Variants in ZNF385D observed in about 807,000 individuals in gnomAD.
ZNF385D encodes zinc finger protein 659.
ZNF385D carries 15 observed loss-of-function variants against 35.8 expected under a neutral mutation model. The ratio of observed to expected loss-of-function variants is 0.42; its 90% CI spans 0.28 to 0.64. The LOEUF is 0.64. Among genes scored for constraint, ZNF385D ranks in the 30% least tolerant of loss-of-function variants. The pLI is 0.23. For synonymous variants in ZNF385D, 212 were observed against 186.8 expected (o/e 1.13, Z -1.10); for missense variants, 474 against 494.6 (o/e 0.96, Z 0.39).
chr3:21,812,624 G>A (rs1046963644), intron 3 of ZNF385D, among the ~76,000 whole-genome samples: 5 of 152,228 alleles, frequency 3.3e-5, no homozygotes, highest in East Asian at 1.9e-4. Context: ...AGATCGAACT[G>A]CAAGGTGGCA....
intron 1 of ZNF385D, among the ~76,000 whole-genome samples, chr3:21,721,684 T>C (rs563509361): frequency 1.3e-5 from 2 of 152,156 alleles, no homozygotes; most frequent in African/African-American, 4.8e-5. Flanking sequence ...ATGCTATACT[T>C]TATGGAAAAG....
At chr3:22,027,436 T>C (rs1191430706) in intron 3 of ZNF385D, among the ~76,000 whole-genome samples, 1 of 152,212 alleles carries the variant, frequency 6.6e-6, no homozygotes, top group Non-Finnish European at 1.5e-5. Flanking sequence ...ATAGGGATGC[T>C]GTTTCAAGCC....
intron 3 of ZNF385D, among the ~76,000 whole-genome samples, chr3:21,903,124 C>T (rs1418151716): frequency 5.3e-5 from 8 of 152,122 alleles, no homozygotes; most frequent in African/African-American, 1.4e-4. Flanking sequence ...CCATGACTTG[C>T]GGTCTTGAGA....
At chr3:21,669,787 C>T (rs188485320) in intron 1 of ZNF385D, among the ~76,000 whole-genome samples, 1 of 152,156 alleles carries the variant, frequency 6.6e-6, no homozygotes, top group Non-Finnish European at 1.5e-5. Flanking sequence ...AGCAGTCAAT[C>T]AAGATAATTT....
chr3:21,428,920 G>C (rs1356343600), intron 5 of ZNF385D, among the ~76,000 whole-genome samples: 1 of 82,636 alleles, frequency 1.2e-5, no homozygotes, highest in Non-Finnish European at 2.8e-5. Flanking sequence ...ACGGCATAAG[G>C]CTCCAAGAAA....
chr3:21,661,250 A>G (rs1365180560), intron 2 of ZNF385D, among the ~76,000 whole-genome samples: 1 of 152,160 alleles, frequency 6.6e-6, no homozygotes, highest in Non-Finnish European at 1.5e-5. Flanking sequence ...ACCCTCACTA[A>G]GACAACCATA....
chr3:22,337,207 G>C (rs973044400), intron 2 of ZNF385D, among the ~76,000 whole-genome samples: 2 of 151,698 alleles, frequency 1.3e-5, no homozygotes, highest in Non-Finnish European at 2.9e-5. Flanking sequence ...TATAAGAATG[G>C]ATAGCTCCAC....
chr3:22,059,922 T>C (rs1326039882), intron 3 of ZNF385D, among the ~76,000 whole-genome samples: 5 of 152,180 alleles, frequency 3.3e-5, no homozygotes, highest in Admixed American at 3.3e-4. Context: ...TGGGCAGGCA[T>C]CATCTAATCA....
chr3:22,160,297 A>G (rs1299955479), intron 3 of ZNF385D, among the ~76,000 whole-genome samples: 2 of 152,162 alleles, frequency 1.3e-5, no homozygotes, highest in Non-Finnish European at 2.9e-5. Context: ...AATTATGCCA[A>G]AAGAGATCAC....
intron 3 of ZNF385D, among the ~76,000 whole-genome samples, chr3:21,801,686 T>C (rs920733243): frequency 1.3e-5 from 2 of 152,158 alleles, no homozygotes; most frequent in Admixed American, 6.5e-5. Flanking sequence ...GCAGCTGATA[T>C]GGCTTAGGGA....
At chr3:22,351,122 A>G (rs1268990136) in intron 2 of ZNF385D, among the ~76,000 whole-genome samples, 1 of 152,140 alleles carries the variant, frequency 6.6e-6, no homozygotes, top group Non-Finnish European at 1.5e-5. Context: ...CAAAATAAAA[A>G]TGTTAATTTA....
intron 3 of ZNF385D, among the ~76,000 whole-genome samples, chr3:21,797,895 G>A (rs1389175020): frequency 6.6e-6 from 1 of 152,092 alleles, no homozygotes; most frequent in Non-Finnish European, 1.5e-5. Context: ...TTAGGGCAGT[G>A]AAAATACCCC....
intron 1 of ZNF385D, among the ~76,000 whole-genome samples, chr3:21,668,957 A>G (rs1304766096): frequency 6.6e-6 from 1 of 152,204 alleles, no homozygotes; most frequent in African/African-American, 2.4e-5. Flanking sequence ...ACATTTCTAT[A>G]GGTGAGAAAG....
chr3:21,789,473 C>A (rs1024403077), intron 3 of ZNF385D, among the ~76,000 whole-genome samples: 7 of 152,236 alleles, frequency 4.6e-5, no homozygotes, highest in East Asian at 3.9e-4. Flanking sequence ...TTTCACTCAA[C>A]TATGGGCATG....
In ZNF385D at chr3:21,508,842, A is replaced by G. The variant is rs185467631; in HGVS notation, c.439+2019T>C. Among the ~76,000 whole-genome samples the G allele has an allele frequency of 5.3e-5, 8 of 152,306 alleles. No individual in the cohort carries two copies. The East Asian group carries it at 1.2e-3, about 22-fold the overall frequency. ...CCATTCTCCAACTTAACACTTGGAT[A>G]AACTCTCTTTAAACTAGATTCTGAC... On this transcript the variant is annotated intron_variant, in intron 4 of 7. Coordinates refer to ENST00000281523, the MANE Select transcript of ZNF385D (RefSeq NM_024697.3).
intron 2 of ZNF385D, among the ~76,000 whole-genome samples, chr3:21,608,603 G>T (rs2064567862): frequency 6.6e-6 from 1 of 152,098 alleles, no homozygotes. Flanking sequence ...TTAATACGTG[G>T]AAAGCAGTCA....
intron 3 of ZNF385D, among the ~76,000 whole-genome samples, chr3:22,145,300 A>G (rs1235787355): frequency 6.6e-6 from 1 of 152,238 alleles, no homozygotes; most frequent in African/African-American, 2.4e-5. Flanking sequence ...TCAACTTAAT[A>G]CAATTTGTGA....
intron 3 of ZNF385D, among the ~76,000 whole-genome samples, chr3:21,809,408 C>G (rs1055817271): frequency 6.6e-6 from 1 of 151,688 alleles, no homozygotes; most frequent in Non-Finnish European, 1.5e-5. Context: ...TTGTCTAATG[C>G]GGTTTTCAAC....
chr3:22,210,893 T>G (rs1357643422), intron 2 of ZNF385D, among the ~76,000 whole-genome samples: 5 of 152,094 alleles, frequency 3.3e-5, no homozygotes, highest in African/African-American at 1.2e-4. Flanking sequence ...AAATGACTGA[T>G]TCAGCAAAAT....
Sources: allele counts gnomAD v4.1 joint callset (sites outside exome capture counted in the v4.1 genomes callset), GRCh38; gene constraint gnomAD v4.1.1; transcripts MANE v1.5; gene names NCBI Gene and HGNC (gene_info 2026-07-23, HGNC 2026-07-21).